Variants in SBF2 observed in about 807,000 individuals in gnomAD.
The protein encoded by SBF2 is myotubularin-related protein 13.
In SBF2, 112 loss-of-function variants were observed where a neutral mutation model predicts 225.2. The ratio of observed to expected loss-of-function variants is 0.50; its 90% CI spans 0.43 to 0.58. SBF2 has a LOEUF of 0.58. Ranked by LOEUF, SBF2 falls within the 20% of genes least tolerant of loss-of-function variation. SBF2 has a pLI of 0.00. For synonymous variants in SBF2, 763 were observed against 773.3 expected, an observed-to-expected ratio of 0.99 and a Z score of 0.22; for missense variants, 1,996 against 2,206.2, an observed-to-expected ratio of 0.90 and a Z score of 1.91.
chr11:10,275,436 C>T (rs1273767049), intron 1 of SBF2, among the ~76,000 whole-genome samples: 2 of 152,114 alleles, frequency 1.3e-5, no homozygotes, highest in East Asian at 3.8e-4. Flanking sequence ...GCATGACTTC[C>T]TACTTACACA....
intron 36 of SBF2, among the ~76,000 whole-genome samples, chr11:9,785,893 G>A (rs777456365): frequency 6.6e-6 from 1 of 151,828 alleles, no homozygotes; most frequent in Non-Finnish European, 1.5e-5. Context: ...TTGAGACAGG[G>A]TCTCACTCTA....
chr11:10,148,195 A>G (rs1428561039), intron 2 of SBF2, among the ~76,000 whole-genome samples: 1 of 152,184 alleles, frequency 6.6e-6, no homozygotes, highest in African/African-American at 2.4e-5. Context: ...TCATTAAATA[A>G]TAATTTGGGG....
intron 1 of SBF2, among the ~76,000 whole-genome samples, chr11:10,207,775 A>G (rs1363266921): frequency 1.3e-5 from 2 of 152,118 alleles, no homozygotes; most frequent in African/African-American, 4.8e-5. Flanking sequence ...CAAAGGCACA[A>G]TAATTAATAT....
intron 1 of SBF2, among the ~76,000 whole-genome samples, chr11:10,245,583 T>C (rs1959705848): frequency 6.6e-6 from 1 of 152,138 alleles, no homozygotes; most frequent in Non-Finnish European, 1.5e-5. Context: ...TAAGAAATTA[T>C]GGAGGCACCT....
At chr11:9,880,953 T>C (rs1859714551) in intron 17 of SBF2, among the ~76,000 whole-genome samples, 1 of 152,222 alleles carries the variant, frequency 6.6e-6, no homozygotes, top group Non-Finnish European at 1.5e-5. Flanking sequence ...CTATAATTTA[T>C]TTATATCCAG....
rs1453202549 is a variant in SBF2 at position 9,858,488 on chromosome 11, T to C, written c.1930-92A>G. ...GGGCCACAGTTAATCATAGATGAGATCAAAGGATTTCTCTAAAGAATATCG... is the reference window on the plus strand; with the variant it reads ...GGGCCACAGTTAATCATAGATGAGACCAAAGGATTTCTCTAAAGAATATCG... On this transcript the variant is annotated intron_variant, in intron 17 of 39. Transcript: ENST00000256190. 7 of 1,265,038 alleles carry C rather than the reference T, an allele frequency of 5.5e-6. No individual in the cohort carries two copies. In the African/African-American group the frequency reaches 1.0e-4, roughly 19 times the overall value. The allele number at this position is 1,265,038 out of a possible 1,614,324, so 78.4% of individuals were successfully genotyped here.
intron 2 of SBF2, among the ~76,000 whole-genome samples, chr11:10,177,427 G>GT (rs1397100215): frequency 6.7e-6 from 1 of 149,458 alleles, no homozygotes; most frequent in Non-Finnish European, 1.5e-5. Flanking sequence ...CGACATGATT[G>GT]TATATCTAGA....
chr11:9,938,984 C>G (rs577863410), intron 16 of SBF2, among the ~76,000 whole-genome samples: 1 of 151,734 alleles, frequency 6.6e-6, no homozygotes, highest in African/African-American at 2.4e-5. Flanking sequence ...TACAAAATGT[C>G]AAGAAAAAGT....
intron 2 of SBF2, among the ~76,000 whole-genome samples, chr11:10,072,098 C>G (rs1343294818): frequency 6.6e-6 from 1 of 152,142 alleles, no homozygotes; most frequent in African/African-American, 2.4e-5. Context: ...TATAAATATT[C>G]AGGCATAATT....
intron 28 of SBF2, among the ~76,000 whole-genome samples, chr11:9,821,372 C>T (rs541115469): frequency 1.3e-5 from 2 of 152,198 alleles, no homozygotes; most frequent in Admixed American, 6.5e-5. Flanking sequence ...AAGGACTCCC[C>T]CAAACAGAGG....
At chr11:10,041,328 A>G (rs1052054045) in intron 3 of SBF2, among the ~76,000 whole-genome samples, 24 of 152,290 alleles carry the variant, frequency 1.6e-4, no homozygotes, top group Middle Eastern at 3.4e-3. Flanking sequence ...AGGGGAGAGG[A>G]GACTTAAAGT....
intron 17 of SBF2, among the ~76,000 whole-genome samples, chr11:9,885,897 A>G (rs113093628): frequency 0.011 from 1,643 of 152,184 alleles, 19 homozygotes; most frequent in Non-Finnish European, 0.015. Flanking sequence ...TTGCCCCCCA[A>G]TCTTCTGGCA....
chr11:10,217,580 C>T (rs1289915364), intron 1 of SBF2, among the ~76,000 whole-genome samples: 1 of 152,102 alleles, frequency 6.6e-6, no homozygotes, highest in Non-Finnish European at 1.5e-5. Flanking sequence ...TCTAAAGTAT[C>T]ATTGCTATAA....
chr11:10,131,597 C>T (rs552873806), intron 2 of SBF2, among the ~76,000 whole-genome samples: 30 of 152,228 alleles, frequency 2.0e-4, no homozygotes, highest in African/African-American at 5.3e-4. Flanking sequence ...CCACATCTGG[C>T]TAATTTTTGT....
At chr11:10,273,249 G>A (rs941657223) in intron 1 of SBF2, among the ~76,000 whole-genome samples, 1 of 152,124 alleles carries the variant, frequency 6.6e-6, no homozygotes, top group South Asian at 2.1e-4. Flanking sequence ...CAAATGAAAG[G>A]GATAGGACAA....
chr11:9,871,469 G>A lies in SBF2; in HGVS notation c.1930-13073C>T, dbSNP rs1024041907. Among the ~76,000 whole-genome samples, 8 of 60,430 alleles carry A rather than the reference G, an allele frequency of 1.3e-4. No individual in the cohort carries two copies. The South Asian group carries it at 3.3e-3, about 25-fold the overall frequency. 39.6% of individuals were successfully genotyped at this position (60,430 alleles called of 152,430 possible). ...AACACCTCACACCAGACAGGATGAC[G>A]CTTATTATTATTATTATTATTATTA... On this transcript the variant is annotated intron_variant, in intron 17 of 39. Coordinates refer to ENST00000256190, the MANE Select transcript of SBF2 (RefSeq NM_030962.4).
rs548093537 is a variant in SBF2, at chr11:9,807,307, G to A, written c.4443+693C>T. ...ATGTGCCTGCGATGAAGGCAGGAGGGAGCCTAGAGCAGTCACATCTCCCCT... is the reference window on the plus strand; with the variant it reads ...ATGTGCCTGCGATGAAGGCAGGAGGAAGCCTAGAGCAGTCACATCTCCCCT... On this transcript the variant is annotated intron_variant, in intron 32 of 39. Coordinates refer to ENST00000256190, the MANE Select transcript of SBF2 (RefSeq NM_030962.4). Among the ~76,000 whole-genome samples, 60 of 152,296 alleles carry A rather than the reference G, an allele frequency of 3.9e-4. 1 individual carries two copies. The Middle Eastern group carries it at 0.01, about 26-fold the overall frequency.
At chr11:9,829,757 A>G in intron 27 of SBF2, 1 of 436,754 alleles carries the variant, frequency 2.3e-6, no homozygotes, top group Non-Finnish European at 4.2e-6. Flanking sequence ...GGTCTGGAAA[A>G]CCAGCACAGG....
chr11:9,951,033 G>T (rs1350972436), intron 16 of SBF2, among the ~76,000 whole-genome samples: 1 of 152,148 alleles, frequency 6.6e-6, no homozygotes, highest in African/African-American at 2.4e-5. Flanking sequence ...GCACAGAGTT[G>T]CTACCAATCC....
Sources: allele counts gnomAD v4.1 joint callset (sites outside exome capture counted in the v4.1 genomes callset), GRCh38; gene constraint gnomAD v4.1.1; transcripts MANE v1.5; gene names NCBI Gene and HGNC (gene_info 2026-07-23, HGNC 2026-07-21).